SLC4A4: variants seen among roughly 807,000 people sequenced by gnomAD.
SLC4A4 encodes solute carrier family 4 member 4.
Under a neutral mutation model 111.5 loss-of-function variants are expected in SLC4A4, and 27 were observed. The observed-to-expected ratio is 0.24, with a 90% CI of 0.18 to 0.33. The LOEUF (loss-of-function observed/expected upper bound fraction) is 0.33. SLC4A4 is among the 10% of genes least tolerant of loss of function. The pLI, the probability that SLC4A4 is intolerant of heterozygous loss-of-function variation, is 1.00. For missense variants in SLC4A4, 909 were observed against 1,315.5 expected, an observed-to-expected ratio of 0.69 and a Z score of 4.78; for synonymous variants, 443 against 463.4, an observed-to-expected ratio of 0.96 and a Z score of 0.57.
At chr4:71,485,810 A>G (rs1249909995) in intron 14 of SLC4A4, among the ~76,000 whole-genome samples, 1 of 151,412 alleles carries the variant, frequency 6.6e-6, no homozygotes, top group Non-Finnish European at 1.5e-5. Context: ...CCTCTTTTCT[A>G]ACTTCCTTTA....
intron 16 of SLC4A4, among the ~76,000 whole-genome samples, chr4:71,512,060 A>G (rs1000851210): frequency 2.6e-5 from 4 of 152,112 alleles, no homozygotes; most frequent in Non-Finnish European, 5.9e-5. Flanking sequence ...GCTATTGTGA[A>G]TGGTGCTGCG....
chr4:71,284,215 G>T (rs1331926160), intron 3 of SLC4A4, among the ~76,000 whole-genome samples: 1 of 152,130 alleles, frequency 6.6e-6, no homozygotes, highest in African/African-American at 2.4e-5. Flanking sequence ...TTTAATGGTA[G>T]AAAGACTTGG....
intron 2 of SLC4A4, among the ~76,000 whole-genome samples, chr4:71,113,113 A>G (rs1030475907): frequency 3.3e-5 from 5 of 152,180 alleles, no homozygotes; most frequent in Non-Finnish European, 7.3e-5. Context: ...TTTGAGCTTG[A>G]CCATAATGAA....
At chr4:71,554,615 A>C (rs1384069700) in intron 20 of SLC4A4, among the ~76,000 whole-genome samples, 1 of 151,866 alleles carries the variant, frequency 6.6e-6, no homozygotes, top group African/African-American at 2.4e-5. Flanking sequence ...TAATATTTGC[A>C]AGAAGCGAGG....
intron 3 of SLC4A4, among the ~76,000 whole-genome samples, chr4:71,333,911 G>T (rs184907138): frequency 6.9e-6 from 1 of 143,908 alleles, no homozygotes; most frequent in East Asian, 2.2e-4. Flanking sequence ...CTTCAGGGAA[G>T]TGGGCTCTTC....
At chr4:71,107,291 C>T (rs572853456) in intron 2 of SLC4A4, among the ~76,000 whole-genome samples, 3 of 152,130 alleles carry the variant, frequency 2.0e-5, no homozygotes, top group African/African-American at 7.2e-5. Context: ...TGTCTTATAT[C>T]TTTTTTGTCC....
At chr4:71,171,511 T>G (rs1236845685) in intron 2 of SLC4A4, among the ~76,000 whole-genome samples, 2 of 152,218 alleles carry the variant, frequency 1.3e-5, no homozygotes, top group East Asian at 3.8e-4. Flanking sequence ...TATCCTGTTG[T>G]CTAGTTTCCA....
intron 1 of SLC4A4, among the ~76,000 whole-genome samples, chr4:71,216,800 C>T (rs1321733112): frequency 6.6e-6 from 1 of 152,126 alleles, no homozygotes; most frequent in African/African-American, 2.4e-5. Context: ...GCAATTTGAC[C>T]TTTATGAACT....
At chr4:71,336,435 G>T (rs1447128936) in intron 3 of SLC4A4, among the ~76,000 whole-genome samples, 2 of 152,056 alleles carry the variant, frequency 1.3e-5, no homozygotes, top group African/African-American at 2.4e-5. Context: ...AATGGAAAAA[G>T]GTAAAACTAA....
intron 13 of SLC4A4, among the ~76,000 whole-genome samples, chr4:71,470,029 C>G (rs948657643): frequency 1.3e-5 from 2 of 151,978 alleles, no homozygotes; most frequent in Non-Finnish European, 2.9e-5. Flanking sequence ...CTTTCATCTT[C>G]TTGCTAGGGT....
intron 16 of SLC4A4, among the ~76,000 whole-genome samples, chr4:71,513,037 G>A (rs557035427): frequency 6.6e-6 from 1 of 152,148 alleles, no homozygotes; most frequent in Admixed American, 6.6e-5. Flanking sequence ...CTACAGCATT[G>A]TAATATATCT....
chr4:71,135,066 T>C (rs561793267), intron 2 of SLC4A4, among the ~76,000 whole-genome samples: 49 of 152,274 alleles, frequency 3.2e-4, no homozygotes, highest in African/African-American at 1.2e-3. Flanking sequence ...TGCAGAGGAA[T>C]AAAGCTGTTC....
chr4:71,157,548 T>C (rs2148975768), intron 2 of SLC4A4, among the ~76,000 whole-genome samples: 1 of 151,588 alleles, frequency 6.6e-6, no homozygotes, highest in African/African-American at 2.4e-5. Flanking sequence ...GGCTTTGCAC[T>C]TACTATTTTT....
intron 7 of SLC4A4, chr4:71,437,295 G>A: frequency 2.8e-6 from 1 of 362,178 alleles, no homozygotes; most frequent in East Asian, 6.9e-5. Flanking sequence ...CCAGATTACA[G>A]CCACTTCCAA....
At chr4:71,159,411 T>C (rs1280972025) in intron 2 of SLC4A4, among the ~76,000 whole-genome samples, 1 of 152,208 alleles carries the variant, frequency 6.6e-6, no homozygotes, top group Non-Finnish European at 1.5e-5. Context: ...TCTTGCTCTG[T>C]CACCCAGGCT....
intron 16 of SLC4A4, among the ~76,000 whole-genome samples, chr4:71,510,320 T>G (rs1427651270): frequency 6.6e-6 from 1 of 152,212 alleles, no homozygotes; most frequent in African/African-American, 2.4e-5. Context: ...CTTCTCCGGA[T>G]CTCTCCCAAC....
chr4:71,285,143 C>G (rs767766220), intron 3 of SLC4A4, among the ~76,000 whole-genome samples: 2 of 152,110 alleles, frequency 1.3e-5, no homozygotes, highest in Non-Finnish European at 2.9e-5. Flanking sequence ...GTGACCAAAG[C>G]CTTAAGCACT....
In SLC4A4 at chr4:71,540,424, C is replaced by T. The variant is rs551820047; in HGVS notation, c.2443-5926C>T. Reference sequence around the variant, plus strand: ...AATTTCAAAAGGAAATAAAGTTTCACTTTCTCTCCTTGTACTTAAAATAAT... The same window carrying T: ...AATTTCAAAAGGAAATAAAGTTTCATTTTCTCTCCTTGTACTTAAAATAAT... On this transcript the variant is annotated intron_variant, in intron 18 of 25. Transcript: ENST00000264485. Among the ~76,000 whole-genome samples the T allele has an allele frequency of 3.3e-5, 5 of 152,146 alleles. No individual in the cohort carries two copies. The East Asian group carries it at 7.7e-4, about 23-fold the overall frequency.
In SLC4A4 at chr4:71,536,458, A is replaced by ATATATATATATATATATATG. The variant is rs1292521858; in HGVS notation, c.2442+2076_2442+2077insTATATATATATATGTATATA. ...CATTTAAGCATATATACATATATAC[A>ATATATATATATATATATATG]TATATACATATATATATATATATAT... On this transcript the variant is annotated intron_variant, in intron 18 of 25. Coordinates refer to ENST00000264485, the MANE Select transcript of SLC4A4 (RefSeq NM_001098484.3). Among the ~76,000 whole-genome samples the ATATATATATATATATATATG allele has an allele frequency of 7.8e-4, 13 of 16,622 alleles. 3 individuals carry two copies. Among genetic ancestry groups the ATATATATATATATATATATG allele is most frequent in the Non-Finnish European group, 1.5e-3 (11 of 7,548 alleles). 10.9% of individuals were successfully genotyped at this position (16,622 alleles called of 152,430 possible). A position where few individuals can be genotyped will look rare whatever the true frequency, so the allele number is the denominator to read the frequency against.
Sources: gnomAD v4.1 joint callset for allele counts (sites outside exome capture counted in the v4.1 genomes callset) on GRCh38, gnomAD v4.1.1 for gene constraint, MANE v1.5 for transcripts, NCBI Gene and HGNC (gene_info 2026-07-23, HGNC 2026-07-21) for gene names.